PLCL1: variants seen among roughly 807,000 people sequenced by gnomAD.
The protein encoded by PLCL1 is inactive phospholipase C-like protein 1.
In PLCL1, 41 loss-of-function variants were observed where a neutral mutation model predicts 84.4. That is an observed-to-expected ratio of 0.49 (90% CI 0.38 to 0.63). The LOEUF is 0.63. PLCL1 is among the 30% of genes least tolerant of loss of function. The pLI is 0.00. For synonymous variants in PLCL1, 490 were observed against 488.3 expected (o/e 1.00, Z -0.05); for missense variants, 1,206 against 1,367.8 (o/e 0.88, Z 1.87).
At chr2:198,011,432 CT>C (rs1690866230) in intron 1 of PLCL1, among the ~76,000 whole-genome samples, 1 of 151,864 alleles carries the variant, frequency 6.6e-6, no homozygotes, top group South Asian at 2.1e-4. Flanking sequence ...TATTTTCTTT[CT>C]GCTATTGATT....
intron 5 of PLCL1, 97 bp downstream of exon 5, chr2:198,104,033 G>T: frequency 1.8e-6 from 1 of 559,732 alleles, no homozygotes; most frequent in Non-Finnish European, 3.0e-6. Flanking sequence ...ATGATGGTTT[G>T]GATTTTTAAA....
At chr2:198,022,037 T>G (rs956977722) in intron 1 of PLCL1, among the ~76,000 whole-genome samples, 1 of 152,186 alleles carries the variant, frequency 6.6e-6, no homozygotes, top group African/African-American at 2.4e-5. Context: ...TTATCCACCA[T>G]GATCAAGTTG....
chr2:198,131,100 C>T (rs1323457072), intron 5 of PLCL1, among the ~76,000 whole-genome samples: 5 of 152,144 alleles, frequency 3.3e-5, no homozygotes, highest in African/African-American at 1.2e-4. Flanking sequence ...TTCTCCACTT[C>T]CTCAGTGGCA....
At chr2:197,909,337 T>TC (rs1198593649) in intron 1 of PLCL1, among the ~76,000 whole-genome samples, 1 of 151,958 alleles carries the variant, frequency 6.6e-6, no homozygotes, top group Non-Finnish European at 1.5e-5. Context: ...TCTTTTTTTT[T>TC]TTCCTTTTTT....
chr2:198,035,663 C>T (rs1387275250), intron 1 of PLCL1, among the ~76,000 whole-genome samples: 2 of 152,180 alleles, frequency 1.3e-5, no homozygotes, highest in Non-Finnish European at 2.9e-5. Flanking sequence ...TGAGTCCATA[C>T]TGATAAGAAC....
At chr2:198,118,932 C>T (rs965602543) in intron 5 of PLCL1, among the ~76,000 whole-genome samples, 2 of 152,002 alleles carry the variant, frequency 1.3e-5, no homozygotes, top group African/African-American at 4.8e-5. Context: ...CTAAGGTTTA[C>T]ATTTAGGATA....
intron 3 of PLCL1, among the ~76,000 whole-genome samples, chr2:198,099,041 G>A (rs1001262440): frequency 6.6e-6 from 1 of 152,134 alleles, no homozygotes; most frequent in Non-Finnish European, 1.5e-5. Context: ...AGATATTCAT[G>A]TGACAGAACC....
intron 1 of PLCL1, among the ~76,000 whole-genome samples, chr2:198,081,380 C>A (rs898345157): frequency 3.3e-5 from 5 of 152,156 alleles, no homozygotes; most frequent in Non-Finnish European, 5.9e-5. Flanking sequence ...GTAGATTAAT[C>A]CTGTCTCAGC....
chr2:197,830,895 G>A (rs1030660525), intron 1 of PLCL1, among the ~76,000 whole-genome samples: 7 of 152,262 alleles, frequency 4.6e-5, no homozygotes, highest in African/African-American at 1.7e-4. Flanking sequence ...TTTCAACCCA[G>A]AATTTCATAT....
intron 1 of PLCL1, among the ~76,000 whole-genome samples, chr2:197,825,879 A>G (rs1279506184): frequency 2.0e-5 from 3 of 152,260 alleles, no homozygotes; most frequent in Non-Finnish European, 4.4e-5. Context: ...TGAATAATGC[A>G]ATATATCTGT....
At chr2:198,122,793 T>C (rs1426424636) in intron 5 of PLCL1, among the ~76,000 whole-genome samples, 1 of 152,148 alleles carries the variant, frequency 6.6e-6, no homozygotes, top group African/African-American at 2.4e-5. Context: ...TAACAACAAA[T>C]AATCACTTAT....
At position 198,005,473 on chromosome 2, in the gene PLCL1, T is replaced by G. The variant is rs140382258; in HGVS notation, c.241-78285T>G. Among the ~76,000 whole-genome samples the G allele has an allele frequency of 6.2e-4, 95 of 152,320 alleles. 3 individuals are homozygous for G. In the South Asian group the frequency reaches 0.014, roughly 22 times the overall value. ...TCCCTCCAGGCTAGTGTTCAAGAAG[T>G]CTTTCTTTCACACTTCAGTTTCTTC... On this transcript the variant is annotated intron_variant, in intron 1 of 5. Coordinates refer to ENST00000428675, the MANE Select transcript of PLCL1 (RefSeq NM_006226.4).
chr2:197,973,358 A>G (rs1689907473), intron 1 of PLCL1, among the ~76,000 whole-genome samples: 1 of 152,218 alleles, frequency 6.6e-6, no homozygotes, highest in South Asian at 2.1e-4. Context: ...GACTGTCCCA[A>G]GTAGGATGAT....
chr2:197,857,798 G>A (rs1687357186), intron 1 of PLCL1, among the ~76,000 whole-genome samples: 2 of 152,162 alleles, frequency 1.3e-5, no homozygotes, highest in South Asian at 4.1e-4. Context: ...AAAATGCAAA[G>A]GCAAGGGCAT....
chr2:197,938,523 C>A (rs527560691), intron 1 of PLCL1, among the ~76,000 whole-genome samples: 24 of 152,264 alleles, frequency 1.6e-4, no homozygotes, highest in African/African-American at 5.5e-4. Flanking sequence ...CCAAGCTAGG[C>A]AAGGGGTCTT....
intron 1 of PLCL1, among the ~76,000 whole-genome samples, chr2:197,984,754 T>C (rs1397705211): frequency 1.3e-5 from 2 of 151,982 alleles, no homozygotes; most frequent in African/African-American, 4.8e-5. Context: ...TTTATCTTAC[T>C]TACTGCATTA....
In PLCL1 at chr2:198,084,379, C is replaced by A; in HGVS notation, c.862C>A (p.Gln288Lys). The A allele has an allele frequency of 6.2e-7, 1 of 1,614,070 alleles. No homozygotes were observed. The change falls in exon 2 of 6, where the codon CAG (glutamine) becomes AAG (lysine). Residue 288 changes from glutamine (Q) to lysine (K), a missense_variant. Transcript: ENST00000428675. The stretch of plus-strand genomic sequence containing the variant: ...GATCAGGTTAAAGTTTAAAGAAATC[C>A]AGAAGAGCAAGGAAAAACTAACCAC... Reference protein sequence around the residue: ...AKIRLKFKEIQKSKEKLTTRV... With the variant: ...AKIRLKFKEIKKSKEKLTTRV...
intron 1 of PLCL1, among the ~76,000 whole-genome samples, chr2:197,870,112 A>G (rs980752184): frequency 1.3e-5 from 2 of 152,148 alleles, no homozygotes; most frequent in African/African-American, 2.4e-5. Context: ...TAGCAGTTCT[A>G]CTGAACTTTA....
chr2:198,094,539 G>A (rs376138078), intron 3 of PLCL1, among the ~76,000 whole-genome samples: 1 of 152,148 alleles, frequency 6.6e-6, no homozygotes, highest in Non-Finnish European at 1.5e-5. Flanking sequence ...TAAAGTATAC[G>A]TTTTCTGTCT....
Sources: allele counts gnomAD v4.1 joint callset (sites outside exome capture counted in the v4.1 genomes callset), GRCh38; gene constraint gnomAD v4.1.1; transcripts MANE v1.5; gene names NCBI Gene and HGNC (gene_info 2026-07-23, HGNC 2026-07-21).